The following TRIM5 variants were observed in gnomAD, a reference collection of about 807,000 sequenced individuals.
TRIM5 encodes tripartite motif containing 5.
TRIM5 carries 31 observed loss-of-function variants against 35.6 expected under a neutral mutation model. The ratio of observed to expected loss-of-function variants is 0.87; its 90% CI spans 0.65 to 1.18. The LOEUF is 1.18. Ranked by LOEUF, TRIM5 falls within the 50% of genes most tolerant of loss-of-function variation. The pLI is 0.00. For missense variants in TRIM5, 609 were observed against 591.6 expected, an observed-to-expected ratio of 1.03 and a Z score of -0.31; for synonymous variants, 243 against 215.6, an observed-to-expected ratio of 1.13 and a Z score of -1.11.
chr11:5,658,787 A>G (rs2133995065), downstream of TRIM5, among the ~76,000 whole-genome samples: 1 of 152,320 alleles, frequency 6.6e-6, no homozygotes, highest in Non-Finnish European at 1.5e-5. Flanking sequence ...GCTGGGTCAA[A>G]TGTGGCACTA....
chr11:5,628,119 G>A, the TRIM5 span, among the ~76,000 whole-genome samples: 4 of 152,202 alleles, frequency 2.6e-5, no homozygotes, highest in Non-Finnish European at 4.4e-5. Context: ...ACGTGGGACC[G>A]TGGTTACTCT....
intron 4 of TRIM5, among the ~76,000 whole-genome samples, chr11:5,675,047 G>C (rs1396718410): frequency 7.0e-6 from 1 of 143,874 alleles, no homozygotes; most frequent in Non-Finnish European, 1.5e-5. Flanking sequence ...TTTTTTTTTT[G>C]AGATGGAGTC....
the TRIM5 span, chr11:5,612,394 T>G: frequency 2.6e-5 from 4 of 151,112 alleles, no homozygotes; most frequent in Non-Finnish European, 5.9e-5. Flanking sequence ...TCTCTACATT[T>G]AAGAGTAGCA....
the TRIM5 span, among the ~76,000 whole-genome samples, chr11:5,630,768 C>T: frequency 6.6e-6 from 1 of 152,214 alleles, no homozygotes; most frequent in South Asian, 2.1e-4. Context: ...TTTACACCTA[C>T]CATTTTACAT....
the TRIM5 span, chr11:5,596,808 G>A: frequency 1.2e-6 from 2 of 1,600,814 alleles, no homozygotes; most frequent in East Asian, 4.5e-5. Flanking sequence ...TGTTCCTTAA[G>A]ATTAGTTTAA....
chr11:5,610,377 G>T, the TRIM5 span: 1 of 1,564,524 alleles, frequency 6.4e-7, no homozygotes. Context: ...GACATAGTGT[G>T]CTGAAGAAGA....
chr11:5,640,287 C>T, the TRIM5 span, among the ~76,000 whole-genome samples: 1 of 152,048 alleles, frequency 6.6e-6, no homozygotes, highest in Non-Finnish European at 1.5e-5. Context: ...GCTGAGGGAC[C>T]TCTCTTCTAT....
chr11:5,622,753 A>G, the TRIM5 span, among the ~76,000 whole-genome samples: 1 of 152,246 alleles, frequency 6.6e-6, no homozygotes, highest in African/African-American at 2.4e-5. Context: ...GCTTTAACAA[A>G]TCTGTCTGAT....
At chr11:5,640,577 G>C in the TRIM5 span, among the ~76,000 whole-genome samples, 1 of 152,028 alleles carries the variant, frequency 6.6e-6, no homozygotes, top group Non-Finnish European at 1.5e-5. Context: ...ATATTTATAA[G>C]AGATATTGGT....
At chr11:5,618,142 C>T in the TRIM5 span, among the ~76,000 whole-genome samples, 1 of 152,136 alleles carries the variant, frequency 6.6e-6, no homozygotes, top group Non-Finnish European at 1.5e-5. Context: ...GACTGCTTGA[C>T]CTGCAAATCC....
the TRIM5 span, among the ~76,000 whole-genome samples, chr11:5,657,888 T>A: frequency 6.0e-5 from 9 of 150,626 alleles, no homozygotes; most frequent in Non-Finnish European, 1.2e-4. Context: ...AGTGCTGGGA[T>A]TACAGGCCTG....
chr11:5,644,694 G>A, the TRIM5 span, among the ~76,000 whole-genome samples: 1 of 152,136 alleles, frequency 6.6e-6, no homozygotes, highest in Admixed American at 6.6e-5. Context: ...CGTGTGTCGG[G>A]GGGGTGGTGG....
the TRIM5 span, among the ~76,000 whole-genome samples, chr11:5,616,936 C>T: frequency 0.46 from 65,659 of 141,356 alleles, 19,717 homozygotes; most frequent in African/African-American, 0.49. Flanking sequence ...AGTGTTTCAC[C>T]ATGTTGGCCA....
chr11:5,639,873 G>A, the TRIM5 span, among the ~76,000 whole-genome samples: 2 of 151,812 alleles, frequency 1.3e-5, no homozygotes, highest in East Asian at 3.9e-4. Context: ...CATATTTATA[G>A]GGTACATAGA....
chr11:5,644,740 G>A, the TRIM5 span, among the ~76,000 whole-genome samples: 1 of 152,068 alleles, frequency 6.6e-6, no homozygotes, highest in Non-Finnish European at 1.5e-5. Flanking sequence ...CAAATTCCCA[G>A]TAGACAATAC....
the TRIM5 span, chr11:5,596,999 T>A: frequency 6.2e-7 from 1 of 1,602,642 alleles, no homozygotes; most frequent in Non-Finnish European, 8.5e-7. Context: ...GTCCTTTCCC[T>A]TTCGGAACTC....
the TRIM5 span, among the ~76,000 whole-genome samples, chr11:5,639,679 C>CAAAAAAAAAAAAA: frequency 9.8e-5 from 5 of 51,140 alleles, no homozygotes; most frequent in East Asian, 7.0e-4. Context: ...GACTCTATTT[C>CAAAAAAAAAAAAA]AAAAAAAAAA....
chr11:5,609,620 G>T, the TRIM5 span, among the ~76,000 whole-genome samples: 3 of 152,196 alleles, frequency 2.0e-5, no homozygotes, highest in South Asian at 6.2e-4. Context: ...AACAAAATGA[G>T]ACTTTAAGAA....
chr11:5,593,003 G>A, the TRIM5 span, among the ~76,000 whole-genome samples: 1 of 151,822 alleles, frequency 6.6e-6, no homozygotes. Context: ...AAAAAAGAGA[G>A]GGAGGAAAGG....
Sources: allele counts gnomAD v4.1 joint callset (sites outside exome capture counted in the v4.1 genomes callset), GRCh38; gene constraint gnomAD v4.1.1; transcripts MANE v1.5; gene names NCBI Gene and HGNC (gene_info 2026-07-23, HGNC 2026-07-21).